The following CHSY3 variants were observed in gnomAD, a reference collection of about 807,000 sequenced individuals.
The protein encoded by CHSY3 is N-acetylgalactosaminyl-proteoglycan 3-beta-glucuronosyltransferase 3.
CHSY3 carries 35 observed loss-of-function variants against 67.2 expected under a neutral mutation model. The ratio of observed to expected loss-of-function variants is 0.52; its 90% confidence interval spans 0.40 to 0.69. CHSY3 has a LOEUF of 0.69. CHSY3 is among the 30% of genes least tolerant of loss of function. The pLI is 0.00. For synonymous variants in CHSY3, 474 were observed against 434.7 expected (o/e 1.09, Z -1.12); for missense variants, 1,069 against 1,138.5 (o/e 0.94, Z 0.88).
At chr5:130,070,552 A>C (rs1221975691) in intron 2 of CHSY3, among the ~76,000 whole-genome samples, 1 of 152,128 alleles carries the variant, frequency 6.6e-6, no homozygotes, top group African/African-American at 2.4e-5. Context: ...ATGTTCAATT[A>C]ACTATAGAAA....
chr5:129,912,853 C>T (rs771147311), intron 2 of CHSY3, among the ~76,000 whole-genome samples: 198 of 152,282 alleles, frequency 1.3e-3, no homozygotes, highest in Middle Eastern at 3.4e-3. Flanking sequence ...CCCTTTCCCA[C>T]TTAGGATTGA....
intron 2 of CHSY3, among the ~76,000 whole-genome samples, chr5:129,983,727 A>T (rs1273432819): frequency 1.3e-5 from 2 of 152,102 alleles, no homozygotes; most frequent in Non-Finnish European, 2.9e-5. Context: ...ATTAAGTATT[A>T]AGATCAATGT....
intron 2 of CHSY3, among the ~76,000 whole-genome samples, chr5:129,964,507 G>A (rs1217218597): frequency 2.0e-5 from 3 of 151,722 alleles, no homozygotes; most frequent in Non-Finnish European, 4.4e-5. Context: ...TCAGATATAG[G>A]ACTCCAGTAG....
At chr5:130,143,788 A>ATGTG (rs1768970778) in intron 2 of CHSY3, among the ~76,000 whole-genome samples, 7 of 47,384 alleles carry the variant, frequency 1.5e-4, no homozygotes, top group African/African-American at 7.0e-4. Context: ...ATATGTGTAT[A>ATGTG]TATATATATA....
intron 2 of CHSY3, among the ~76,000 whole-genome samples, chr5:130,128,798 G>A (rs926476095): frequency 6.6e-6 from 1 of 152,052 alleles, no homozygotes; most frequent in Non-Finnish European, 1.5e-5. Flanking sequence ...TCATGGAATT[G>A]TATACATTAA....
chr5:130,066,967 G>A (rs1251675039), intron 2 of CHSY3, among the ~76,000 whole-genome samples: 1 of 152,136 alleles, frequency 6.6e-6, no homozygotes, highest in African/African-American at 2.4e-5. Context: ...TGTAAGAAAT[G>A]TGTTTCATAA....
chr5:130,085,080 T>C (rs774113437), intron 2 of CHSY3, among the ~76,000 whole-genome samples: 2 of 152,032 alleles, frequency 1.3e-5, no homozygotes, highest in African/African-American at 2.4e-5. Context: ...CTTCTCATCA[T>C]GGCCTGAACT....
chr5:130,164,464 T>A (rs554153212), intron 2 of CHSY3, among the ~76,000 whole-genome samples: 1 of 152,298 alleles, frequency 6.6e-6, no homozygotes, highest in African/African-American at 2.4e-5. Flanking sequence ...AAACTATATT[T>A]GTTTCTTTGT....
chr5:129,956,139 C>A (rs1014311256), intron 2 of CHSY3, among the ~76,000 whole-genome samples: 12 of 152,124 alleles, frequency 7.9e-5, no homozygotes, highest in Non-Finnish European at 1.8e-4. Context: ...AATGGTTGAA[C>A]TAATTTACAC....
chr5:130,045,066 G>A (rs926366399), intron 2 of CHSY3, among the ~76,000 whole-genome samples: 4 of 152,078 alleles, frequency 2.6e-5, no homozygotes, highest in Non-Finnish European at 5.9e-5. Flanking sequence ...CATGGCTTAA[G>A]TAGCAGCCTG....
At chr5:129,948,959 A>G (rs1761944874) in intron 2 of CHSY3, among the ~76,000 whole-genome samples, 1 of 152,146 alleles carries the variant, frequency 6.6e-6, no homozygotes, top group Non-Finnish European at 1.5e-5. Context: ...TGGTTGGGCT[A>G]GTTTACATTC....
rs139468039 is a variant in CHSY3, at chr5:130,037,576, A to G, written c.1086+129216A>G. On this transcript the variant is annotated intron_variant, in intron 2 of 2. Coordinates refer to ENST00000305031, the MANE Select transcript of CHSY3 (RefSeq NM_175856.5). ...GGCCTGACTGTTCCACTTCTATGATATATATTATATAAATAAAGTCTTAAT... is the reference window on the plus strand; with the variant it reads ...GGCCTGACTGTTCCACTTCTATGATGTATATTATATAAATAAAGTCTTAAT... Among the ~76,000 whole-genome samples, 318 of 152,216 alleles carry G rather than the reference A, an allele frequency of 2.1e-3. 1 individual carries two copies. The highest frequency in any genetic ancestry group is 6.4e-3 in the African/African-American group (268 of 41,558).
chr5:130,015,602 A>T (rs1446782582), intron 2 of CHSY3, among the ~76,000 whole-genome samples: 1 of 152,200 alleles, frequency 6.6e-6, no homozygotes, highest in Non-Finnish European at 1.5e-5. Flanking sequence ...TGCTGGTGAG[A>T]TTGTGGAGAA....
chr5:130,073,495 C>A (rs964708593), intron 2 of CHSY3, among the ~76,000 whole-genome samples: 5 of 151,812 alleles, frequency 3.3e-5, no homozygotes, highest in Non-Finnish European at 7.4e-5. Flanking sequence ...ACCATGTTGG[C>A]CAGGCTGGTC....
At chr5:129,925,256 G>C (rs1761064684) in intron 2 of CHSY3, among the ~76,000 whole-genome samples, 1 of 152,128 alleles carries the variant, frequency 6.6e-6, no homozygotes, top group Non-Finnish European at 1.5e-5. Flanking sequence ...TGTAGAATTG[G>C]TTATGGGCTA....
chr5:130,051,322 A>G (rs902989765), intron 2 of CHSY3, among the ~76,000 whole-genome samples: 1 of 152,170 alleles, frequency 6.6e-6, no homozygotes. Flanking sequence ...GAAAATCACT[A>G]TAGAACTTTT....
chr5:129,928,067 C>T (rs1192046884), intron 2 of CHSY3, among the ~76,000 whole-genome samples: 1 of 151,870 alleles, frequency 6.6e-6, no homozygotes, highest in Non-Finnish European at 1.5e-5. Context: ...TTCGGGAGTA[C>T]ATGTGCAAGA....
chr5:130,179,474 C>T (rs1230847333), intron 2 of CHSY3, among the ~76,000 whole-genome samples: 2 of 152,012 alleles, frequency 1.3e-5, no homozygotes, highest in African/African-American at 4.8e-5. Flanking sequence ...TAATAGCTTT[C>T]CACAGTGCCT....
chr5:130,040,496 A>G (rs530783934), intron 2 of CHSY3, among the ~76,000 whole-genome samples: 38 of 152,254 alleles, frequency 2.5e-4, no homozygotes, highest in Middle Eastern at 3.4e-3. Context: ...TTCTTTGTCC[A>G]TATTTAATTT....
Sources: allele counts gnomAD v4.1 joint callset (sites outside exome capture counted in the v4.1 genomes callset), GRCh38; gene constraint gnomAD v4.1.1; transcripts MANE v1.5; gene names NCBI Gene and HGNC (gene_info 2026-07-23, HGNC 2026-07-21).